Variants in MGA observed in about 807,000 individuals in gnomAD.
MGA encodes MAX gene-associated protein.
A neutral mutation model predicts 261.1 loss-of-function variants in MGA; 40 were observed. The ratio of observed to expected loss-of-function variants is 0.15; its 90% CI spans 0.12 to 0.20. The LOEUF (loss-of-function observed/expected upper bound fraction) is 0.20. MGA is among the 10% of genes least tolerant of loss of function. The probability of loss-of-function intolerance (pLI) is 1.00; values close to 1 mark genes in which losing one functional copy is unlikely to be tolerated. For synonymous variants in MGA, 1,302 were observed against 1,290.6 expected (o/e 1.01, Z -0.19); for missense variants, 3,397 against 3,630.5 (o/e 0.94, Z 1.65).
intron 2 of MGA, 97 bp from the exon 3 acceptor site, chr15:41,695,978 T>C: frequency 1.1e-6 from 1 of 920,738 alleles, no homozygotes; most frequent in Non-Finnish European, 1.6e-6. Flanking sequence ...TCTGATGTGT[T>C]ACTTGGATTC....
rs79793880 is a variant in MGA, at chr15:41,749,178, G to A, written c.5571G>A (p.Ser1857=). The stretch of plus-strand genomic sequence containing the variant: ...CTGAGACTCCGCCATCTTCCACTTC[G>A]TCCTCTGCTTTCTCTGTCATGAATC... The change falls in exon 17 of 24, where the codon TCG becomes TCA. Residue 1857 remains serine (S), a synonymous_variant. Coordinates refer to ENST00000219905, the MANE Select transcript of MGA (RefSeq NM_001164273.2). 108 of 1,613,762 alleles carry A rather than the reference G, an allele frequency of 6.7e-5. No individual in the cohort carries two copies. Among genetic ancestry groups the A allele is most frequent in the Non-Finnish European group, 8.6e-5 (101 of 1,179,886 alleles).
intron 1 of MGA, among the ~76,000 whole-genome samples, chr15:41,622,305 C>T (rs1411460815): frequency 6.6e-6 from 1 of 152,062 alleles, no homozygotes; most frequent in Admixed American, 6.6e-5. Context: ...CTTTTAAGGT[C>T]CCTCATACGG....
chr15:41,705,206 C>T lies in MGA; in HGVS notation c.2189-2522C>T, dbSNP rs186188998. Among the ~76,000 whole-genome samples, 616 of 152,282 alleles carry T rather than the reference C, an allele frequency of 4.0e-3. 4 individuals carry two copies. Among genetic ancestry groups the T allele is most frequent in the Non-Finnish European group, 5.4e-3 (367 of 68,032 alleles). Reference sequence around the variant, plus strand: ...ATTTTCTTGCATGACCTCAGGTGATCTGCCCACCTCAACCTCCCAAAGTGC... The same window carrying T: ...ATTTTCTTGCATGACCTCAGGTGATTTGCCCACCTCAACCTCCCAAAGTGC... On this transcript the variant is annotated intron_variant, in intron 5 of 23. Transcript: ENST00000219905.
rs2063498613 is a variant in MGA, at chr15:41,762,220, A to G, written c.7602A>G (p.Gly2534=). 6.2e-7 allele frequency: 1 copy of G among 1,613,968 alleles called. No individual in the cohort carries two copies. The highest frequency in any genetic ancestry group is 8.5e-7 in the Non-Finnish European group (1 of 1,179,872). ...CACAAAAAAGAAAAAAGAAGATGGGATCAGATGAGTTTGACATATCTCCCA... is the reference window on the plus strand; with the variant it reads ...CACAAAAAAGAAAAAAGAAGATGGGGTCAGATGAGTTTGACATATCTCCCA... Residue 2534 remains glycine, a synonymous_variant, in exon 22 of 24, where the codon GGA becomes GGG. Transcript: ENST00000219905.
rs1223183411 is a variant in MGA, at chr15:41,699,119, T to C, written c.2148T>C (p.Thr716=). The change falls in exon 5 of 24, where the codon ACT becomes ACC. Residue 716 remains threonine, a synonymous_variant. Coordinates refer to ENST00000219905, the MANE Select transcript of MGA (RefSeq NM_001164273.2). The stretch of plus-strand genomic sequence containing the variant: ...AGGAATTGATAGAAGATTTGAAGAC[T>C]TTGCGGCACAAGCAGGTGATACATC... 1.2e-6 allele frequency: 2 copies of C among 1,612,082 alleles called. No homozygotes were observed. Among genetic ancestry groups the C allele is most frequent in the African/African-American group, 2.7e-5 (2 of 74,872 alleles).
intron 1 of MGA, among the ~76,000 whole-genome samples, chr15:41,665,982 T>C (rs1217161162): frequency 6.6e-6 from 1 of 151,910 alleles, no homozygotes. Flanking sequence ...GTGATATGGT[T>C]ATGGCTCACT....
At chr15:41,678,351 A>G (rs1466090029) in intron 2 of MGA, among the ~76,000 whole-genome samples, 2 of 151,196 alleles carry the variant, frequency 1.3e-5, no homozygotes, top group Non-Finnish European at 1.5e-5. Context: ...TCAGCCTCCC[A>G]AAGTGTTGGG....
chr15:41,622,840 T>C (rs2056340346), intron 1 of MGA, among the ~76,000 whole-genome samples: 1 of 152,236 alleles, frequency 6.6e-6, no homozygotes, highest in Non-Finnish European at 1.5e-5. Flanking sequence ...TGAAGAAAAG[T>C]ATAAATTGTA....
chr15:41,650,486 G>GGGTGT, intron 1 of MGA, among the ~76,000 whole-genome samples: 1 of 152,122 alleles, frequency 6.6e-6, no homozygotes, highest in South Asian at 2.1e-4. Context: ...CACCCAGGCT[G>GGGTGT]GAGTGCAGTG....
intron 9 of MGA, among the ~76,000 whole-genome samples, chr15:41,714,640 A>T (rs2060538461): frequency 6.6e-6 from 1 of 152,042 alleles, no homozygotes; most frequent in Non-Finnish European, 1.5e-5. Context: ...AGTAGCTGGG[A>T]TTATAGGTGT....
chr15:41,655,690 C>T (rs936210629), upstream of MGA, among the ~76,000 whole-genome samples: 1 of 152,120 alleles, frequency 6.6e-6, no homozygotes, highest in Non-Finnish European at 1.5e-5. Context: ...TAAGACTTTC[C>T]TAGAAAAATA....
In MGA at chr15:41,628,322, G is replaced by C. The variant is rs189004274; in HGVS notation, c.-68+7024G>C. On this transcript the variant is annotated intron_variant, in intron 1 of 8. Transcript: ENST00000566718. ...CGGGAGGTTGCGGTGAGCTGAGATC[G>C]TGCCACTGCTCTCCAGCCTGGGTGA... 3.7e-3 allele frequency among the ~76,000 whole-genome samples: 555 copies of C among 148,082 alleles called. 1 individual carries two copies. Among genetic ancestry groups the C allele is most frequent in the Non-Finnish European group, 5.8e-3 (390 of 67,464 alleles).
intron 9 of MGA, among the ~76,000 whole-genome samples, chr15:41,719,562 G>A (rs1484316859): frequency 3.9e-5 from 6 of 152,072 alleles, no homozygotes; most frequent in Admixed American, 3.3e-4. Flanking sequence ...GCAACATGGC[G>A]AAACCCTGTC....
Position 41,669,636 on chromosome 15 carries a change from A to C in MGA, c.742A>C (p.Lys248Gln). 6.2e-7 allele frequency: 1 copy of C among 1,613,942 alleles called. No individual in the cohort carries two copies. Among genetic ancestry groups the C allele is most frequent in the Non-Finnish European group, 8.5e-7 (1 of 1,179,834 alleles). The change falls in exon 2 of 24, where the codon AAA becomes CAA. Residue 248 changes from lysine (K) to glutamine (Q), a missense_variant. By Grantham distance (53) the Lys-to-Gln change is moderately conservative. Around this residue, in one of 9 missense-constraint regions of MGA, gnomAD observed 563 missense variants for 563.6 expected, o/e 1.00. Coordinates refer to ENST00000219905, the MANE Select transcript of MGA (RefSeq NM_001164273.2). ...TCAGAACATTCAGATTACTCAGCTG[A>C]AAATAGATTACAATCCATTTGCCAA...
At chr15:41,727,126 A>G in intron 9 of MGA, 54 bp from the exon 10 acceptor site, 1 of 1,445,762 alleles carries the variant, frequency 6.9e-7, no homozygotes. Flanking sequence ...GTGCCTCAGT[A>G]TTGATCTTTT....
chr15:41,755,016 A>C (rs2063064230), intron 18 of MGA, among the ~76,000 whole-genome samples: 1 of 152,244 alleles, frequency 6.6e-6, no homozygotes, highest in Non-Finnish European at 1.5e-5. Flanking sequence ...TAGGCATTAC[A>C]TTCTAAATTT....
intron 9 of MGA, among the ~76,000 whole-genome samples, chr15:41,715,510 T>C (rs1450387843): frequency 2.0e-5 from 3 of 152,116 alleles, no homozygotes; most frequent in African/African-American, 7.2e-5. Flanking sequence ...TTTTTTGGAC[T>C]TAAAAAAAAT....
intron 1 of MGA, among the ~76,000 whole-genome samples, chr15:41,653,746 T>C (rs938454670): frequency 6.6e-6 from 1 of 152,086 alleles, no homozygotes; most frequent in African/African-American, 2.4e-5. Context: ...AAAACCCTTT[T>C]GGTTTACTTT....
chr15:41,699,968 G>A (rs1429503434), intron 5 of MGA, among the ~76,000 whole-genome samples: 1 of 146,654 alleles, frequency 6.8e-6, no homozygotes, highest in African/African-American at 2.5e-5. Context: ...TGGGATACGT[G>A]TACAGAATGT....
Sources: gnomAD v4.1 joint callset for allele counts (sites outside exome capture counted in the v4.1 genomes callset) on GRCh38, gnomAD v4.1.1 for gene constraint, gnomAD v4.1.1 regional missense constraint, MANE v1.5 for transcripts, NCBI Gene and HGNC (gene_info 2026-07-23, HGNC 2026-07-21) for gene names.